Variants in VWA8 observed in about 807,000 individuals in gnomAD.
The protein encoded by VWA8 is von Willebrand factor A domain-containing protein 8.
Under a neutral mutation model 241.5 loss-of-function variants are expected in VWA8, and 221 were observed. That is an observed-to-expected ratio of 0.91 (90% CI 0.82 to 1.02). The LOEUF (loss-of-function observed/expected upper bound fraction) is 1.02, where lower values mean the gene tolerates loss of function less well. Among genes scored for constraint, VWA8 ranks in the 50% least tolerant of loss-of-function variants. The pLI, the probability that VWA8 is intolerant of heterozygous loss-of-function variation, is 0.00. For missense variants in VWA8, 2,322 were observed against 2,328.7 expected (o/e 1.00, Z 0.06); for synonymous variants, 852 against 827.1 (o/e 1.03, Z -0.52).
At chr13:41,617,510 TTA>T (rs1336738853) in intron 37 of VWA8, among the ~76,000 whole-genome samples, 1 of 152,222 alleles carries the variant, frequency 6.6e-6, no homozygotes, top group African/African-American at 2.4e-5. Flanking sequence ...TAATTATACT[TTA>T]AGTTTTAGGG....
intron 37 of VWA8, among the ~76,000 whole-genome samples, chr13:41,623,124 G>T (rs1382046133): frequency 6.6e-6 from 1 of 152,160 alleles, no homozygotes; most frequent in Non-Finnish European, 1.5e-5. Flanking sequence ...AGAGATGGTT[G>T]TGAGAAGAGC....
chr13:41,685,129 A>G lies in VWA8; in HGVS notation c.4245T>C (p.Asn1415=), dbSNP rs745678228. The change falls in exon 35 of 45, where the codon AAT becomes AAC. Residue 1415 remains asparagine (N), a synonymous_variant. Coordinates refer to ENST00000379310, the MANE Select transcript of VWA8 (RefSeq NM_015058.2). ...GATTCGTATCTAAAAGAGTCACACA[A>G]TTGCTTTGTTTTGGAGTCCCCCTTT... is the stretch of plus-strand genomic sequence containing the variant. ...KKKRGTPKQS[N]CVTLLDTNQV... The G allele has an allele frequency of 3.1e-6, 5 of 1,613,606 alleles. No individual in the cohort carries two copies. Among genetic ancestry groups the G allele is most frequent in the Admixed American group, 3.3e-5 (2 of 59,910 alleles).
intron 21 of VWA8, among the ~76,000 whole-genome samples, chr13:41,750,886 T>TAA (rs72030945): frequency 0.26 from 37,628 of 143,556 alleles, 5,401 homozygotes; most frequent in Non-Finnish European, 0.33. Context: ...ACATATTTGA[T>TAA]AAAAAAAAAA....
At chr13:41,926,894 G>A in intron 2 of VWA8, 1 of 575,366 alleles carries the variant, frequency 1.7e-6, no homozygotes, top group Non-Finnish European at 3.5e-6. Context: ...CTCTACCTTG[G>A]ACCACAGCCA....
At chr13:41,692,782 G>T in intron 30 of VWA8, 80 bp downstream of exon 30, 1 of 1,096,866 alleles carries the variant, frequency 9.1e-7, no homozygotes, top group Non-Finnish European at 1.3e-6. Flanking sequence ...CACTTAAAGG[G>T]ATGGGCATGC....
At chr13:41,830,794 T>C (rs1232903996) in intron 13 of VWA8, 152 bp from the exon 14 acceptor site, 1 of 596,860 alleles carries the variant, frequency 1.7e-6, no homozygotes, top group Admixed American at 2.9e-5. Flanking sequence ...TCAAATTGGC[T>C]ACTGCTGTTA....
chr13:41,718,862 T>A (rs908659019), intron 26 of VWA8, among the ~76,000 whole-genome samples: 1 of 151,902 alleles, frequency 6.6e-6, no homozygotes, highest in Admixed American at 6.6e-5. Context: ...TTATCCCCTA[T>A]GAATTTATAA....
intron 2 of VWA8, among the ~76,000 whole-genome samples, chr13:41,947,750 T>C (rs756122496): frequency 6.6e-6 from 1 of 150,822 alleles, no homozygotes; most frequent in African/African-American, 2.5e-5. Flanking sequence ...GCCTGATCAA[T>C]GTGGTGAAAC....
Position 41,885,958 on chromosome 13 carries a change from A to T in VWA8, c.937T>A (p.Phe313Ile). 1 of 1,605,436 alleles carries T rather than the reference A, an allele frequency of 6.2e-7. No homozygotes were observed. ...QESSTLGLPD[F>I]PLDSLAAAVQ... Reference sequence around the variant, plus strand: ...GCAGCTGCTAAACTATCTAAAGGAAAGTCTGGAAGTCCAAGAGTAGAAGAT... The same window carrying T: ...GCAGCTGCTAAACTATCTAAAGGAATGTCTGGAAGTCCAAGAGTAGAAGAT... Residue 313 changes from phenylalanine to isoleucine, a missense_variant, in exon 8 of 45, where the codon TTT becomes ATT. Phe to Ile is a conservative substitution (Grantham distance 21). Coordinates refer to ENST00000379310, the MANE Select transcript of VWA8 (RefSeq NM_015058.2).
intron 39 of VWA8, 151 bp from the exon 40 acceptor site, chr13:41,605,427 T>C: frequency 1.4e-6 from 1 of 704,088 alleles, no homozygotes; most frequent in Non-Finnish European, 2.4e-6. Flanking sequence ...TCTCCAGCTG[T>C]GCTTCCAGAT....
chr13:41,740,806 G>A (rs937145887), intron 21 of VWA8, among the ~76,000 whole-genome samples: 16 of 152,092 alleles, frequency 1.1e-4, no homozygotes, highest in African/African-American at 3.9e-4. Context: ...CATTTGTCCC[G>A]TTTTCTCATC....
In VWA8 at chr13:41,898,347, G is replaced by A. The variant is rs529031406; in HGVS notation, c.484-6760C>T. On this transcript the variant is annotated intron_variant, in intron 4 of 44. Transcript: ENST00000379310. ...TGGTGTATTTACAATCCCTGAGCTA[G>A]ACACAGGGTGCTCCAAGGCCCCACC... Among the ~76,000 whole-genome samples, 6 of 141,970 alleles carry A rather than the reference G, an allele frequency of 4.2e-5. No individual in the cohort carries two copies. The East Asian group carries it at 1.1e-3, about 25-fold the overall frequency. The allele number at this position is 141,970 out of a possible 152,430, so 93.1% of individuals were successfully genotyped here.
At chr13:41,933,356 T>C (rs1225965449) in intron 2 of VWA8, among the ~76,000 whole-genome samples, 2 of 151,972 alleles carry the variant, frequency 1.3e-5, no homozygotes, top group Non-Finnish European at 2.9e-5. Flanking sequence ...AGTTGGAAGT[T>C]TCAATAATAT....
chr13:41,765,849 A>G (rs1420861540), intron 20 of VWA8, among the ~76,000 whole-genome samples: 1 of 152,208 alleles, frequency 6.6e-6, no homozygotes, highest in Non-Finnish European at 1.5e-5. Context: ...ATATTTAGTA[A>G]GTGGAAATTT....
Position 41,758,403 on chromosome 13 carries a change from TATATATATATATATATATATATATATAC to T in VWA8, c.2426+2697_2426+2724del, listed in dbSNP as rs2045712409. Among the ~76,000 whole-genome samples the T allele has an allele frequency of 1.6e-4, 12 of 76,212 alleles. 1 individual carries two copies. Among genetic ancestry groups the T allele is most frequent in the African/African-American group, 6.1e-4 (12 of 19,740 alleles). 50.0% of individuals were successfully genotyped at this position (76,212 alleles called of 152,430 possible). On this transcript the variant is annotated intron_variant, in intron 21 of 44. Transcript: ENST00000379310. ...ATATATATATATATACGCTAGTATA[TATATATATATATATATATATATATATAC>T]GCTAGTATATATATTCCATATATAT...
intron 10 of VWA8, among the ~76,000 whole-genome samples, chr13:41,866,354 A>AT (rs1221728963): frequency 6.7e-6 from 1 of 149,172 alleles, no homozygotes; most frequent in African/African-American, 2.5e-5. Flanking sequence ...GTCCCAAAAA[A>AT]AAAAATATAT....
intron 21 of VWA8, among the ~76,000 whole-genome samples, chr13:41,733,157 A>AC (rs368292762): frequency 0.039 from 5,884 of 152,282 alleles, 221 homozygotes; most frequent in African/African-American, 0.095. Context: ...TGAAATGTAC[A>AC]CCAAATGCCA....
intron 37 of VWA8, among the ~76,000 whole-genome samples, chr13:41,655,477 C>T (rs2044897658): frequency 7.9e-6 from 1 of 126,430 alleles, no homozygotes; most frequent in Admixed American, 8.9e-5. Context: ...TATATCCACA[C>T]ATACAGAGAG....
At chr13:41,860,072 G>A (rs1872939615) in intron 12 of VWA8, among the ~76,000 whole-genome samples, 1 of 151,982 alleles carries the variant, frequency 6.6e-6, no homozygotes. Context: ...TCAGGGGCTT[G>A]GTTTCTATAA....
Sources: gnomAD v4.1 joint callset for allele counts (sites outside exome capture counted in the v4.1 genomes callset) on GRCh38, gnomAD v4.1.1 for gene constraint, MANE v1.5 for transcripts, NCBI Gene and HGNC (gene_info 2026-07-23, HGNC 2026-07-21) for gene names.